The following KCNAB1 variants were observed in gnomAD, a reference collection of about 807,000 sequenced individuals.
KCNAB1 encodes potassium voltage-gated channel subfamily A regulatory beta subunit 1.
KCNAB1 carries 35 observed loss-of-function variants against 64.6 expected under a neutral mutation model. The ratio of observed to expected loss-of-function variants is 0.54; its 90% CI spans 0.41 to 0.72. The LOEUF (loss-of-function observed/expected upper bound fraction) is 0.72, where lower values mean the gene tolerates loss of function less well. Ranked by LOEUF, KCNAB1 falls within the 30% of genes least tolerant of loss-of-function variation. KCNAB1 has a pLI of 0.00. For synonymous variants in KCNAB1, 177 were observed against 183.8 expected (o/e 0.96, Z 0.30); for missense variants, 401 against 512.9 (o/e 0.78, Z 2.11).
chr3:156,209,838 C>G (rs901964824), intron 1 of KCNAB1, among the ~76,000 whole-genome samples: 1 of 152,160 alleles, frequency 6.6e-6, no homozygotes, highest in Non-Finnish European at 1.5e-5. Context: ...GCATAGCAAA[C>G]ATTTCTCCAG....
chr3:156,200,444 C>G (rs1219065439), intron 1 of KCNAB1, among the ~76,000 whole-genome samples: 1 of 152,230 alleles, frequency 6.6e-6, no homozygotes, highest in Non-Finnish European at 1.5e-5. Flanking sequence ...TTTAGGTGCT[C>G]TGTCCCAGGG....
intron 1 of KCNAB1, among the ~76,000 whole-genome samples, chr3:156,375,087 G>A (rs1415487327): frequency 1.5e-5 from 2 of 135,896 alleles, no homozygotes; most frequent in Non-Finnish European, 3.1e-5. Context: ...TAAGGTAAAC[G>A]ATGATAAAAT....
intron 1 of KCNAB1, among the ~76,000 whole-genome samples, chr3:156,300,096 G>A (rs1167704128): frequency 6.6e-6 from 1 of 152,102 alleles, no homozygotes; most frequent in African/African-American, 2.4e-5. Flanking sequence ...GCATACAGAG[G>A]ACTCCCACTT....
chr3:156,120,774 CTCAGGGCGCG>C lies in KCNAB1; in HGVS notation c.167_176del (p.Arg56AsnfsTer10). 6 of 1,614,248 alleles carry C rather than the reference CTCAGGGCGCG, an allele frequency of 3.7e-6. No individual in the cohort carries two copies. Among genetic ancestry groups the C allele is most frequent in the Non-Finnish European group, 5.1e-6 (6 of 1,180,046 alleles). ...CCTTAGTCCCTCAGGGGAAAGCCAG[CTCAGGGCGCG>C]TCAACTGGCTCTGCTGCGCGAAGTG... On this transcript the variant is annotated frameshift_variant, in exon 1 of 14. Transcript: ENST00000490337. LOFTEE classifies it high-confidence loss of function.
intron 1 of KCNAB1, among the ~76,000 whole-genome samples, chr3:156,345,649 G>C (rs969564719): frequency 6.6e-6 from 1 of 152,168 alleles, no homozygotes; most frequent in Non-Finnish European, 1.5e-5. Context: ...ACAGATAGAG[G>C]GACAGGATAG....
chr3:156,183,082 A>G (rs1484206425), intron 1 of KCNAB1, among the ~76,000 whole-genome samples: 1 of 152,188 alleles, frequency 6.6e-6, no homozygotes, highest in East Asian at 1.9e-4. Flanking sequence ...GAGTACTTCA[A>G]AAATAACTAA....
intron 1 of KCNAB1, among the ~76,000 whole-genome samples, chr3:156,387,016 T>C (rs3772258): frequency 0.039 from 2,843 of 73,338 alleles, 49 homozygotes; most frequent in African/African-American, 0.11. Flanking sequence ...CTCTCTCTCT[T>C]TTTTTTTTTT....
chr3:156,158,228 C>CA (rs1216261056), intron 1 of KCNAB1, among the ~76,000 whole-genome samples: 2 of 145,718 alleles, frequency 1.4e-5, no homozygotes, highest in African/African-American at 5.0e-5. Context: ...ATAAATGGGC[C>CA]AAAAATGTAA....
chr3:156,266,901 G>GA (rs1016107469), intron 1 of KCNAB1, among the ~76,000 whole-genome samples: 4 of 152,062 alleles, frequency 2.6e-5, no homozygotes, highest in Admixed American at 2.6e-4. Context: ...GAAATAAACA[G>GA]AAAAAAGTCA....
At chr3:156,417,696 A>C (rs1328264071) in intron 1 of KCNAB1, among the ~76,000 whole-genome samples, 1 of 151,826 alleles carries the variant, frequency 6.6e-6, no homozygotes, top group African/African-American at 2.4e-5. Flanking sequence ...TTCAGTTCTC[A>C]CTACTCCAGT....
chr3:156,134,635 C>A (rs1714197974), intron 1 of KCNAB1, among the ~76,000 whole-genome samples: 1 of 152,198 alleles, frequency 6.6e-6, no homozygotes, highest in South Asian at 2.1e-4. Flanking sequence ...GGGAAAATGT[C>A]AAATGCTGAA....
chr3:156,138,177 A>T (rs1362418501), intron 1 of KCNAB1, among the ~76,000 whole-genome samples: 1 of 152,220 alleles, frequency 6.6e-6, no homozygotes, highest in East Asian at 1.9e-4. Context: ...AAGGGTGAAG[A>T]GAAGATGGCA....
At chr3:156,250,798 TAGTC>T (rs1717787759) in intron 1 of KCNAB1, among the ~76,000 whole-genome samples, 1 of 152,240 alleles carries the variant, frequency 6.6e-6, no homozygotes, top group Non-Finnish European at 1.5e-5. Flanking sequence ...ACAAAGGTCA[TAGTC>T]AGATCTCTCT....
chr3:156,369,490 C>T (rs772439057), intron 1 of KCNAB1, among the ~76,000 whole-genome samples: 1 of 152,234 alleles, frequency 6.6e-6, no homozygotes, highest in Non-Finnish European at 1.5e-5. Context: ...TTCTCACTCT[C>T]TCCAACCCCA....
intron 1 of KCNAB1, among the ~76,000 whole-genome samples, chr3:156,129,154 G>T (rs563537155): frequency 1.3e-4 from 20 of 152,146 alleles, no homozygotes; most frequent in Non-Finnish European, 2.4e-4. Context: ...GTCAGTCGTT[G>T]ATTTTTTTTT....
chr3:156,299,278 C>A (rs1188701899), intron 1 of KCNAB1, among the ~76,000 whole-genome samples: 1 of 152,220 alleles, frequency 6.6e-6, no homozygotes, highest in East Asian at 1.9e-4. Context: ...ATTTGCAGCC[C>A]AAGCTTTTAT....
chr3:156,278,515 G>A (rs1025719164), intron 1 of KCNAB1, among the ~76,000 whole-genome samples: 4 of 152,034 alleles, frequency 2.6e-5, no homozygotes, highest in South Asian at 2.1e-4. Context: ...GCAACATAGC[G>A]GGTGCTCAAA....
chr3:156,152,746 C>T (rs535406246), intron 1 of KCNAB1, among the ~76,000 whole-genome samples: 9 of 152,286 alleles, frequency 5.9e-5, no homozygotes, highest in Non-Finnish European at 4.4e-5. Flanking sequence ...TGGAATTTTA[C>T]GGCACTCTAT....
At chr3:156,270,647 T>C (rs1270580252) in intron 1 of KCNAB1, among the ~76,000 whole-genome samples, 1 of 152,236 alleles carries the variant, frequency 6.6e-6, no homozygotes, top group Non-Finnish European at 1.5e-5. Flanking sequence ...GCCATTGCGC[T>C]GTCTTGAAAA....
Sources: allele counts gnomAD v4.1 joint callset (sites outside exome capture counted in the v4.1 genomes callset), GRCh38; gene constraint gnomAD v4.1.1; transcripts MANE v1.5; gene names NCBI Gene and HGNC (gene_info 2026-07-23, HGNC 2026-07-21).